EIF4G1: variants seen among roughly 807,000 people sequenced by gnomAD.
EIF4G1 encodes eukaryotic translation initiation factor 4 gamma 1, also known as EIF4-gamma.
EIF4G1 carries 4 observed loss-of-function variants against 187.8 expected under a neutral mutation model. That is an observed-to-expected ratio of 0.02 (90% CI 0.01 to 0.05). EIF4G1 has a LOEUF of 0.05. EIF4G1 is among the 10% of genes least tolerant of loss of function. The pLI, the probability that EIF4G1 is intolerant of heterozygous loss-of-function variation, is 1.00. For synonymous variants in EIF4G1, 844 were observed against 781.4 expected, an observed-to-expected ratio of 1.08 and a Z score of -1.34; for missense variants, 1,647 against 2,081.1, an observed-to-expected ratio of 0.79 and a Z score of 4.06.
At chr3:184,333,631 C>T (rs1252948544) in intron 32 of EIF4G1, among the ~76,000 whole-genome samples, 1 of 152,174 alleles carries the variant, frequency 6.6e-6, no homozygotes, top group Non-Finnish European at 1.5e-5. Flanking sequence ...ACATAGAGGC[C>T]ACCCTGGCAA....
At position 184,320,939 on chromosome 3, in the gene EIF4G1, C is replaced by G. The variant is rs965218630; in HGVS notation, c.643C>G (p.Leu215Val). The G allele has an allele frequency of 1.9e-6, 3 of 1,614,170 alleles. No individual in the cohort carries two copies. The highest frequency in any genetic ancestry group is 2.5e-6 in the Non-Finnish European group (3 of 1,180,024). Residue 215 changes from leucine to valine, a missense_variant, in exon 9 of 33, where the codon CTG (leucine) becomes GTG (valine). Leu to Val is a conservative substitution (Grantham distance 32). Transcript: ENST00000346169. ...TTGTGTCCTGCAGACGGGAGGCGGT[C>G]TGGAGCCTCAAGCTAATGGGGAGAC... ...TPTPPQTGGG[L>V]EPQANGETPQ...
At chr3:184,316,506 G>C (rs1722807329) in intron 4 of EIF4G1, among the ~76,000 whole-genome samples, 1 of 152,128 alleles carries the variant, frequency 6.6e-6, no homozygotes, top group Admixed American at 6.5e-5. Flanking sequence ...TCCTTTTACC[G>C]GAGGCTGCTA....
chr3:184,326,292 C>T (rs972124395), intron 21 of EIF4G1, among the ~76,000 whole-genome samples: 9 of 152,270 alleles, frequency 5.9e-5, no homozygotes, highest in African/African-American at 2.2e-4. Context: ...ATGTAAATGT[C>T]AGTGTCCATG....
intron 25 of EIF4G1, 63 bp downstream of exon 25, chr3:184,327,767 A>G: frequency 1.2e-6 from 2 of 1,613,676 alleles, no homozygotes; most frequent in Non-Finnish European, 1.7e-6. Context: ...TGGCAGGCAT[A>G]GGGGTCCGGG....
At position 184,322,734 on chromosome 3, in the gene EIF4G1, T is replaced by C; in HGVS notation, c.1795+4T>C. On this transcript the variant is annotated splice_donor_region_variant and intron_variant, in intron 12 of 32. Transcript: ENST00000346169. ...CAGAAGTATGAATATAAGTCAGGTA[T>C]GCTGAAGAAAGGGTTGAGAATGGCT... 7 of 1,614,222 alleles carry C rather than the reference T, an allele frequency of 4.3e-6. No homozygotes were observed. Among genetic ancestry groups the C allele is most frequent in the Non-Finnish European group, 5.9e-6 (7 of 1,180,038 alleles).
intron 16 of EIF4G1, 110 bp from the exon 17 acceptor site, chr3:184,324,091 G>C (rs917093125): frequency 3.7e-6 from 6 of 1,601,626 alleles, no homozygotes; most frequent in East Asian, 2.2e-5. Flanking sequence ...CCAGCTGGAA[G>C]GAGGCAGAGC....
At position 184,322,593 on chromosome 3, in the gene EIF4G1, A is replaced by G. The variant is rs373335441; in HGVS notation, c.1658A>G (p.Asn553Ser). 26 of 1,614,084 alleles carry G rather than the reference A, an allele frequency of 1.6e-5. No homozygotes were observed. The highest frequency in any genetic ancestry group is 1.1e-4 in the African/African-American group (8 of 74,944). ...EVENQPPAGS[N>S]PGPESEGSGV... is the part of the protein sequence containing the mutation. ...GAAAATCAGCCTCCTGCAGGCAGCA[A>G]TCCAGGCCCAGAGTCTGAGGGCAGT... Residue 553 changes from asparagine (N) to serine (S), a missense_variant, in exon 12 of 33, where the codon AAT becomes AGT. Asn to Ser is a conservative substitution (Grantham distance 46). Coordinates refer to ENST00000346169, the MANE Select transcript of EIF4G1 (RefSeq NM_198241.3).
rs781494719 is a variant in EIF4G1, at chr3:184,327,283, C to T, written c.3496C>T (p.Arg1166Trp). The T allele has an allele frequency of 2.5e-5, 40 of 1,613,636 alleles. No individual in the cohort carries two copies. The South Asian group carries it at 3.3e-4, about 13-fold the overall frequency. The change falls in exon 24 of 33, where the codon CGG (arginine) becomes TGG (tryptophan). Residue 1166 changes from arginine to tryptophan, a missense_variant. Coordinates refer to ENST00000346169, the MANE Select transcript of EIF4G1 (RefSeq NM_198241.3). ...DRGDRLERSE[R>W]GGDRGDRLDR... is the part of the protein sequence containing the mutation. ...AGGAGACCGCCTAGAGCGGAGTGAACGGGGAGGGGACCGTGGGGACCGGCT... is the reference window on the plus strand; with the variant it reads ...AGGAGACCGCCTAGAGCGGAGTGAATGGGGAGGGGACCGTGGGGACCGGCT...
At chr3:184,326,012 T>C in intron 21 of EIF4G1, 61 bp downstream of exon 21, 1 of 1,562,386 alleles carries the variant, frequency 6.4e-7, no homozygotes, top group South Asian at 1.1e-5. Flanking sequence ...CCCTTCACTT[T>C]TCTAAAGTTG....
At position 184,321,771 on chromosome 3, in the gene EIF4G1, C is replaced by T. The variant is rs748798289; in HGVS notation, c.1187C>T (p.Pro396Leu). The change falls in exon 10 of 33, where the codon CCA (proline) becomes CTA (leucine). Residue 396 changes from proline to leucine, a missense_variant. Transcript: ENST00000346169. The part of the protein sequence containing the change: ...CPSESPVPIA[P>L]TAQPEELLNG... Reference sequence around the variant, plus strand: ...TCCGAATCCCCTGTGCCCATTGCTCCAACTGCCCAACCTGAGGAACTGCTC... The same window carrying T: ...TCCGAATCCCCTGTGCCCATTGCTCTAACTGCCCAACCTGAGGAACTGCTC... The T allele has an allele frequency of 5.6e-6, 9 of 1,609,380 alleles. No homozygotes were observed. Among genetic ancestry groups the T allele is most frequent in the Non-Finnish European group, 7.7e-6 (9 of 1,176,262 alleles).
chr3:184,322,624 G>A lies in EIF4G1; in HGVS notation c.1689G>A (p.Val563=), dbSNP rs1404169093. Residue 563 remains valine, a synonymous_variant, in exon 12 of 33, where the codon GTG becomes GTA. Transcript: ENST00000346169. The stretch of plus-strand genomic sequence containing the variant: ...GCCCAGAGTCTGAGGGCAGTGGTGT[G>A]CCCCCACGTCCTGAGGAAGCAGATG... ...NPGPESEGSG[V]PPRPEEADET... 6 of 1,614,196 alleles carry A rather than the reference G, an allele frequency of 3.7e-6. No individual in the cohort carries two copies. In the South Asian group the frequency reaches 4.4e-5, roughly 12 times the overall value.
chr3:184,327,236 G>T lies in EIF4G1; in HGVS notation c.3449G>T (p.Arg1150Leu). 6.2e-7 allele frequency: 1 copy of T among 1,612,874 alleles called. No homozygotes were observed. Among genetic ancestry groups the T allele is most frequent in the Non-Finnish European group, 8.5e-7 (1 of 1,180,048 alleles). Residue 1150 changes from arginine to leucine, a missense_variant, in exon 24 of 33, where the codon CGA becomes CTA. This residue lies in a region of EIF4G1 where 543 missense variants were observed against 638.0 expected (regional missense o/e 0.85). Coordinates refer to ENST00000346169, the MANE Select transcript of EIF4G1 (RefSeq NM_198241.3). ...TCCAGGAGTAGCTTGAGCCGAGAAC[G>T]AGGCGAGAAAGCTGGAGACCGAGGA... is the stretch of plus-strand genomic sequence containing the variant. Reference protein sequence around the residue: ...VVQRSSLSRERGEKAGDRGDR... With the variant: ...VVQRSSLSRELGEKAGDRGDR...
In EIF4G1 at chr3:184,317,725, C is replaced by T; in HGVS notation, c.333C>T (p.Ser111=). 2.5e-6 allele frequency: 4 copies of T among 1,613,996 alleles called. No homozygotes were observed. The highest frequency in any genetic ancestry group is 3.4e-6 in the Non-Finnish European group (4 of 1,179,932). The change falls in exon 6 of 33, where the codon TCC becomes TCT. Residue 111 remains serine, a synonymous_variant. Transcript: ENST00000346169. ...TCCCCCTTCCCCACCAGGGGCGTTC[C>T]ACATACGTTGTCCCGACACAGCAGT... ...GAYYIPGQGR[S]TYVVPTQQYP...
intron 21 of EIF4G1, 146 bp downstream of exon 21, chr3:184,326,097 G>A (rs914224411): frequency 1.3e-4 from 104 of 807,870 alleles, no homozygotes; most frequent in Non-Finnish European, 2.0e-4. Flanking sequence ...AGCTGTAGAG[G>A]GAGGGTGGTA....
rs1313790576 is a variant in EIF4G1 at position 184,320,238 on chromosome 3, C to T, written c.538-392C>T. On this transcript the variant is annotated intron_variant, in intron 7 of 32. Transcript: ENST00000346169. ...CAGAGCTGGGGAAGCCGCTGAGTCA[C>T]CCTGGCTCCACCTACTGGATCTGGG... 1.2e-5 allele frequency: 14 copies of T among 1,213,112 alleles called. No individual in the cohort carries two copies. The African/African-American group carries it at 2.2e-4, about 19-fold the overall frequency. The allele number at this position is 1,213,112 out of a possible 1,614,324, so 75.1% of individuals were successfully genotyped here. A position where few individuals can be genotyped will look rare whatever the true frequency, so the allele number is the denominator to read the frequency against.
At position 184,322,390 on chromosome 3, in the gene EIF4G1, G is replaced by A. The variant is rs750363475; in HGVS notation, c.1548G>A (p.Arg516=). 5.7e-5 allele frequency: 92 copies of A among 1,614,026 alleles called. No homozygotes were observed. The highest frequency in any genetic ancestry group is 7.5e-5 in the Non-Finnish European group (89 of 1,180,038). The change falls in exon 11 of 33, where the codon CGG becomes CGA. Residue 516 remains arginine, a synonymous_variant. Transcript: ENST00000346169. ...CAGTATCTGTGCCAAAGAGGAGACGGAAAATTAAGGAGCTAAATAAGAAGG... is the reference window on the plus strand; with the variant it reads ...CAGTATCTGTGCCAAAGAGGAGACGAAAAATTAAGGAGCTAAATAAGAAGG... The part of the protein sequence containing the change: ...QVAVSVPKRR[R]KIKELNKKEA...
chr3:184,328,501 A>C, intron 26 of EIF4G1, 130 bp from the exon 27 acceptor site: 1 of 1,336,900 alleles, frequency 7.5e-7, no homozygotes, highest in South Asian at 1.2e-5. Context: ...CCTTAGCTTG[A>C]AATAATTGTC....
Position 184,324,910 on chromosome 3 carries a change from G to A in EIF4G1, c.2652G>A (p.Leu884=). Residue 884 remains leucine, a synonymous_variant, in exon 18 of 33, where the codon CTG becomes CTA. Transcript: ENST00000346169. ...AACGAGGACGCCTGAAGGAAGAGCT[G>A]GAAGAGGCTCGGGACATAGCCCGGC... ...AEERGRLKEE[L]EEARDIARRR... is the part of the protein sequence containing the mutation. 1.2e-6 allele frequency: 2 copies of A among 1,614,186 alleles called. No individual in the cohort carries two copies. Among genetic ancestry groups the A allele is most frequent in the Non-Finnish European group, 1.7e-6 (2 of 1,180,054 alleles).
chr3:184,315,719 G>A (rs986185894), intron 2 of EIF4G1, 44 bp from the exon 3 acceptor site: 4 of 1,482,164 alleles, frequency 2.7e-6, no homozygotes, highest in African/African-American at 1.4e-5. Flanking sequence ...TTTGCCTTAA[G>A]CTTGGGTCCC....
Sources: allele counts gnomAD v4.1 joint callset (sites outside exome capture counted in the v4.1 genomes callset), GRCh38; gene constraint gnomAD v4.1.1; regional missense constraint gnomAD v4.1.1; transcripts MANE v1.5; gene names NCBI Gene and HGNC (gene_info 2026-07-23, HGNC 2026-07-21).